Variants in STAG1 observed in about 807,000 individuals in gnomAD.
The protein encoded by STAG1 is cohesin subunit SA-1.
STAG1 carries 26 observed loss-of-function variants against 170.9 expected under a neutral mutation model. The ratio of observed to expected loss-of-function variants is 0.15; its 90% CI spans 0.11 to 0.21. STAG1 has a LOEUF of 0.21. Among genes scored for constraint, STAG1 ranks in the 10% least tolerant of loss-of-function variants. The probability of loss-of-function intolerance (pLI) is 1.00; values close to 1 mark genes in which losing one functional copy is unlikely to be tolerated. For synonymous variants in STAG1, 514 were observed against 497.7 expected, an observed-to-expected ratio of 1.03 and a Z score of -0.44; for missense variants, 964 against 1,509.5, an observed-to-expected ratio of 0.64 and a Z score of 5.99.
chr3:136,558,822 T>G (rs528474395), intron 5 of STAG1, among the ~76,000 whole-genome samples: 1 of 152,236 alleles, frequency 6.6e-6, no homozygotes, highest in Non-Finnish European at 1.5e-5. Flanking sequence ...AAAAGATAGC[T>G]TTTAGTAACC....
At chr3:136,536,894 T>G (rs961689555) in intron 6 of STAG1, among the ~76,000 whole-genome samples, 4 of 152,166 alleles carry the variant, frequency 2.6e-5, no homozygotes, top group Admixed American at 6.6e-5. Flanking sequence ...TTGTGAGAAT[T>G]AAGTATATGT....
At chr3:136,466,712 A>G (rs567430609) in intron 12 of STAG1, among the ~76,000 whole-genome samples, 49 of 152,306 alleles carry the variant, frequency 3.2e-4, no homozygotes, top group East Asian at 1.5e-3. Context: ...CAGATTCACC[A>G]AAGTTGAAAT....
intron 10 of STAG1, among the ~76,000 whole-genome samples, chr3:136,475,526 T>C (rs959901962): frequency 3.3e-5 from 5 of 152,060 alleles, no homozygotes; most frequent in Non-Finnish European, 7.4e-5. Flanking sequence ...ATCCAGGGAA[T>C]GTGATCTATG....
chr3:136,610,501 G>A (rs1220601678), intron 3 of STAG1, among the ~76,000 whole-genome samples: 1 of 152,102 alleles, frequency 6.6e-6, no homozygotes, highest in Non-Finnish European at 1.5e-5. Context: ...AGTATGTTGT[G>A]TATATGCTTT....
chr3:136,641,553 CA>C (rs1440029421), intron 1 of STAG1, among the ~76,000 whole-genome samples: 2 of 152,142 alleles, frequency 1.3e-5, no homozygotes, highest in Non-Finnish European at 2.9e-5. Context: ...AATTTAATCA[CA>C]AGTATAATCA....
intron 7 of STAG1, among the ~76,000 whole-genome samples, chr3:136,517,134 G>C (rs917007690): frequency 2.0e-5 from 3 of 152,126 alleles, no homozygotes; most frequent in Admixed American, 6.5e-5. Context: ...AAGGTATAAA[G>C]AAATGTTTAT....
chr3:136,451,169 TA>T (rs66694432), intron 14 of STAG1, among the ~76,000 whole-genome samples: 28,874 of 143,020 alleles, frequency 0.2, 3,045 homozygotes, highest in Non-Finnish European at 0.25. Flanking sequence ...TACAATATAT[TA>T]AAAAAAAAAA....
intron 2 of STAG1, among the ~76,000 whole-genome samples, chr3:136,623,959 T>C (rs973969448): frequency 1.3e-5 from 2 of 151,400 alleles, no homozygotes; most frequent in Non-Finnish European, 2.9e-5. Flanking sequence ...GAAAACAAAA[T>C]AAACCAACAA....
chr3:136,348,911 CCTAG>C (rs1459941762), intron 29 of STAG1: 9 of 497,558 alleles, frequency 1.8e-5, no homozygotes, highest in Non-Finnish European at 2.2e-5. Flanking sequence ...ATTTTATAGA[CCTAG>C]CTAATTTTTT....
chr3:136,553,087 T>C (rs1055897855), intron 5 of STAG1, among the ~76,000 whole-genome samples: 4 of 152,002 alleles, frequency 2.6e-5, no homozygotes, highest in Non-Finnish European at 5.9e-5. Context: ...ACTTACCATG[T>C]TAAAAAATAA....
intron 13 of STAG1, among the ~76,000 whole-genome samples, chr3:136,454,141 C>A (rs2089032421): frequency 6.6e-6 from 1 of 152,140 alleles, no homozygotes; most frequent in Non-Finnish European, 1.5e-5. Flanking sequence ...GTCACCCAGG[C>A]TGGAGTGCAG....
intron 1 of STAG1, among the ~76,000 whole-genome samples, chr3:136,746,836 C>T (rs1176253616): frequency 2.0e-5 from 3 of 151,878 alleles, no homozygotes; most frequent in African/African-American, 7.3e-5. Context: ...GTGCCTCAAG[C>T]CTGTAATCCC....
chr3:136,633,624 C>A (rs1022096481), intron 1 of STAG1, among the ~76,000 whole-genome samples: 8 of 144,712 alleles, frequency 5.5e-5, no homozygotes, highest in Non-Finnish European at 1.0e-4. Flanking sequence ...CACTTGAACT[C>A]GGAAGGCAGA....
At chr3:136,585,593 A>AAATAAT (rs562758896) in intron 4 of STAG1, among the ~76,000 whole-genome samples, 437 of 150,776 alleles carry the variant, frequency 2.9e-3, no homozygotes, top group African/African-American at 9.7e-3. Flanking sequence ...TGAGACTCAA[A>AAATAAT]AATAATAATA....
intron 9 of STAG1, among the ~76,000 whole-genome samples, chr3:136,496,887 G>C (rs1445951847): frequency 6.6e-6 from 1 of 151,652 alleles, no homozygotes; most frequent in Non-Finnish European, 1.5e-5. Flanking sequence ...GAGAAAAGCG[G>C]GAAGGAAGCA....
intron 26 of STAG1, among the ~76,000 whole-genome samples, chr3:136,360,938 G>C (rs926658511): frequency 6.6e-6 from 1 of 152,142 alleles, no homozygotes; most frequent in Admixed American, 6.5e-5. Flanking sequence ...AAAGTGCTGG[G>C]ATTACAGGCT....
intron 1 of STAG1, among the ~76,000 whole-genome samples, chr3:136,717,794 GAATTT>G (rs1443677664): frequency 1.3e-5 from 2 of 152,296 alleles, no homozygotes; most frequent in African/African-American, 4.8e-5. Flanking sequence ...GTAAAATTTA[GAATTT>G]AATTTTAAAG....
At chr3:136,670,789 T>C (rs1022047679) in intron 1 of STAG1, among the ~76,000 whole-genome samples, 3 of 152,024 alleles carry the variant, frequency 2.0e-5, no homozygotes, top group Non-Finnish European at 4.4e-5. Flanking sequence ...TTCTTTTTAA[T>C]CAACTTATAT....
At chr3:136,639,813 T>C (rs1940723836) in intron 1 of STAG1, among the ~76,000 whole-genome samples, 1 of 152,136 alleles carries the variant, frequency 6.6e-6, no homozygotes, top group Non-Finnish European at 1.5e-5. Context: ...ACACATGGTG[T>C]TTTTAATATG....
Sources: allele counts gnomAD v4.1 joint callset (sites outside exome capture counted in the v4.1 genomes callset), GRCh38; gene constraint gnomAD v4.1.1; transcripts MANE v1.5; gene names NCBI Gene and HGNC (gene_info 2026-07-23, HGNC 2026-07-21).